Variants in MANBA observed in about 807,000 individuals in gnomAD.
MANBA encodes beta-mannosidase.
In MANBA, 83 loss-of-function variants were observed where a neutral mutation model predicts 111.1. The observed-to-expected ratio is 0.75, with a 90% CI of 0.63 to 0.90. MANBA has a LOEUF of 0.90. MANBA is among the 40% of genes least tolerant of loss of function. The probability of loss-of-function intolerance (pLI) is 0.00; values close to 1 mark genes in which losing one functional copy is unlikely to be tolerated. For missense variants in MANBA, 1,036 were observed against 1,069.0 expected, an observed-to-expected ratio of 0.97 and a Z score of 0.43; for synonymous variants, 370 against 378.7, an observed-to-expected ratio of 0.98 and a Z score of 0.27.
chr4:102,703,137 T>C (rs1733138660), intron 5 of MANBA, among the ~76,000 whole-genome samples: 1 of 152,216 alleles, frequency 6.6e-6, no homozygotes, highest in African/African-American at 2.4e-5. Context: ...GTTTACTTGT[T>C]TGTTTGTTTT....
intron 4 of MANBA, among the ~76,000 whole-genome samples, chr4:102,719,789 G>C (rs990599993): frequency 3.3e-5 from 5 of 152,208 alleles, no homozygotes; most frequent in African/African-American, 1.2e-4. Flanking sequence ...CCAGAATTCA[G>C]ACCCAAGACT....
chr4:102,644,986 A>G (rs1314651275), intron 13 of MANBA, among the ~76,000 whole-genome samples: 1 of 152,028 alleles, frequency 6.6e-6, no homozygotes, highest in Non-Finnish European at 1.5e-5. Context: ...TATTGAATCA[A>G]TCTATTATAT....
At chr4:102,670,154 C>CAAAAAAAAAA (rs70937560) in intron 9 of MANBA, among the ~76,000 whole-genome samples, 9 of 107,954 alleles carry the variant, frequency 8.3e-5, no homozygotes, top group African/African-American at 3.4e-4. Flanking sequence ...GACTCCATAT[C>CAAAAAAAAAA]AAAAAAAAAA....
intron 13 of MANBA, among the ~76,000 whole-genome samples, chr4:102,645,869 T>C (rs1333064878): frequency 6.6e-6 from 1 of 152,172 alleles, no homozygotes; most frequent in Non-Finnish European, 1.5e-5. Flanking sequence ...ATGAGGTCTT[T>C]ATTTAATGTG....
At chr4:102,759,137 CTT>C (rs36126232) in intron 1 of MANBA, among the ~76,000 whole-genome samples, 7 of 138,168 alleles carry the variant, frequency 5.1e-5, no homozygotes, top group Admixed American at 7.2e-5. Flanking sequence ...TTCTTTCTTT[CTT>C]TTTTTTTTTT....
chr4:102,713,915 A>C (rs13138848), intron 5 of MANBA, among the ~76,000 whole-genome samples: 2 of 150,406 alleles, frequency 1.3e-5, no homozygotes, highest in East Asian at 3.9e-4. Flanking sequence ...AAAAAAAAAA[A>C]GAAAAGAAAA....
chr4:102,644,876 A>T (rs1342720245), intron 13 of MANBA, among the ~76,000 whole-genome samples: 1 of 152,052 alleles, frequency 6.6e-6, no homozygotes, highest in Non-Finnish European at 1.5e-5. Flanking sequence ...CCACAAATAT[A>T]TATTTTTAAT....
chr4:102,701,427 G>C (rs1312486149), intron 5 of MANBA, among the ~76,000 whole-genome samples: 1 of 151,756 alleles, frequency 6.6e-6, no homozygotes, highest in African/African-American at 2.4e-5. Context: ...TATTTTGCTC[G>C]TTAGTTGATG....
Position 102,722,870 on chromosome 4 carries a change from C to G in MANBA, c.549+1G>C, listed in dbSNP as rs1334537145. On this transcript the variant is annotated splice_donor_variant, in intron 4 of 16. Transcript: ENST00000647097. LOFTEE classifies it high-confidence loss of function. ...ACCCGACCTGTTTGAGAGACCATTA[C>G]CTTCCGAACAAAGTTGACATGGCAT... 3 of 1,613,892 alleles carry G rather than the reference C, an allele frequency of 1.9e-6. No homozygotes were observed. Among genetic ancestry groups the G allele is most frequent in the African/African-American group, 2.7e-5 (2 of 74,886 alleles).
At chr4:102,713,419 T>C (rs1169724357) in intron 5 of MANBA, among the ~76,000 whole-genome samples, 1 of 152,186 alleles carries the variant, frequency 6.6e-6, no homozygotes, top group Non-Finnish European at 1.5e-5. Context: ...TCCCCACACA[T>C]GAAGGGATCA....
At chr4:102,746,529 C>T (rs1723591869) in intron 1 of MANBA, among the ~76,000 whole-genome samples, 1 of 152,198 alleles carries the variant, frequency 6.6e-6, no homozygotes, top group Non-Finnish European at 1.5e-5. Context: ...TTCCTTGGTT[C>T]TCCACATATG....
At chr4:102,668,502 T>C (rs1449122692) in intron 10 of MANBA, 1 of 188,658 alleles carries the variant, frequency 5.3e-6, no homozygotes, top group African/African-American at 2.4e-5. Context: ...AATATAAATA[T>C]AAATGTCAAT....
chr4:102,689,153 T>A (rs227364), intron 7 of MANBA, among the ~76,000 whole-genome samples: 98,425 of 151,852 alleles, frequency 0.65, 32,076 homozygotes, highest in South Asian at 0.8. Flanking sequence ...ATTCAAGACC[T>A]GCCTGGTCAA....
At chr4:102,718,705 A>G (rs561847721) in intron 4 of MANBA, among the ~76,000 whole-genome samples, 5 of 152,344 alleles carry the variant, frequency 3.3e-5, no homozygotes, top group Admixed American at 1.3e-4. Flanking sequence ...CCAGCCCCCA[A>G]TATTTCAACA....
chr4:102,681,935 C>T (rs1299445999), intron 7 of MANBA, among the ~76,000 whole-genome samples: 2 of 151,926 alleles, frequency 1.3e-5, no homozygotes, highest in Admixed American at 1.3e-4. Flanking sequence ...CACCTGAGGT[C>T]GGGAGTTTGA....
intron 5 of MANBA, among the ~76,000 whole-genome samples, chr4:102,709,771 C>T (rs1017062041): frequency 1.6e-4 from 24 of 152,040 alleles, no homozygotes; most frequent in African/African-American, 5.8e-4. Context: ...CAACAAAATC[C>T]TAGCAAACCA....
Position 102,682,004 on chromosome 4 carries a change from G to A in MANBA, c.960+7570C>T, listed in dbSNP as rs531660205. On this transcript the variant is annotated intron_variant, in intron 7 of 16. Transcript: ENST00000647097. ...TCTACTAAAAATACAAAAATTAGCC[G>A]GGCATGGTGGTGCGTGCCTGCAATC... 3.3e-5 allele frequency among the ~76,000 whole-genome samples: 5 copies of A among 151,862 alleles called. No homozygotes were observed. In the East Asian group the frequency reaches 5.8e-4, roughly 18 times the overall value.
intron 1 of MANBA, among the ~76,000 whole-genome samples, chr4:102,757,033 T>C (rs1724051258): frequency 6.6e-6 from 1 of 152,154 alleles, no homozygotes; most frequent in South Asian, 2.1e-4. Context: ...CTGTGTGGCA[T>C]AATAGCAGGC....
chr4:102,670,819 T>C (rs1408293457), intron 9 of MANBA: 3 of 155,182 alleles, frequency 1.9e-5, no homozygotes, highest in East Asian at 3.8e-4. Context: ...TAAGCTGAGA[T>C]TGCACCATTG....
Sources: allele counts gnomAD v4.1 joint callset (sites outside exome capture counted in the v4.1 genomes callset), GRCh38; gene constraint gnomAD v4.1.1; transcripts MANE v1.5; gene names NCBI Gene and HGNC (gene_info 2026-07-23, HGNC 2026-07-21).